FBXO21: variants seen among roughly 807,000 people sequenced by gnomAD.
FBXO21 encodes the protein F-box only protein 21.
A neutral mutation model predicts 76.6 loss-of-function variants in FBXO21; 32 were observed. That is an observed-to-expected ratio of 0.42 (90% confidence interval 0.32 to 0.56). FBXO21 has a LOEUF of 0.56. Among genes scored for constraint, FBXO21 ranks in the 20% least tolerant of loss-of-function variants. The pLI, the probability that FBXO21 is intolerant of heterozygous loss-of-function variation, is 0.16. For missense variants in FBXO21, 586 were observed against 797.3 expected, an observed-to-expected ratio of 0.73 and a Z score of 3.19; for synonymous variants, 328 against 311.5, an observed-to-expected ratio of 1.05 and a Z score of -0.56.
intron 7 of FBXO21, among the ~76,000 whole-genome samples, chr12:117,167,724 C>T (rs1308418280): frequency 1.4e-5 from 2 of 144,120 alleles, no homozygotes; most frequent in South Asian, 2.2e-4. Flanking sequence ...CCAGCCTGGG[C>T]GACAGAAAAA....
intron 3 of FBXO21, among the ~76,000 whole-genome samples, chr12:117,184,187 A>T (rs1002238744): frequency 6.9e-6 from 1 of 144,756 alleles, no homozygotes; most frequent in Non-Finnish European, 1.5e-5. Flanking sequence ...AAAAGAAAAA[A>T]GCAAAACAAC....
At position 117,142,493 on chromosome 12, in the gene FBXO21, T is replaced by A. The variant is rs138285940; in HGVS notation, c.*3594A>T. 1 of 152,260 alleles carries A rather than the reference T, an allele frequency of 6.6e-6. No homozygotes were observed. The highest frequency in any genetic ancestry group is 2.4e-5 in the African/African-American group (1 of 41,532). The allele number at this position is 152,260 out of a possible 1,614,324, so 9.4% of individuals were successfully genotyped here. ...CCTGCAAAGCCTAAAATCTTTACTA[T>A]CTGCGTCTGCTTTATAGGATTGCTG... On this transcript the variant is annotated 3_prime_UTR_variant, in exon 12 of 12. Coordinates refer to ENST00000622495, the MANE Select transcript of FBXO21 (RefSeq NM_015002.3).
chr12:117,165,729 G>C (rs1956046745), intron 8 of FBXO21, 112 bp from the exon 9 acceptor site: 1 of 1,051,566 alleles, frequency 9.5e-7, no homozygotes, highest in East Asian at 2.5e-5. Flanking sequence ...AACGTTTTCT[G>C]ATTCTGGTAT....
At chr12:117,178,434 C>G (rs897629105) in intron 3 of FBXO21, among the ~76,000 whole-genome samples, 1 of 152,124 alleles carries the variant, frequency 6.6e-6, no homozygotes. Flanking sequence ...ATACGGCAGC[C>G]AGAGCACTGC....
chr12:117,183,107 C>T (rs1023693970), intron 3 of FBXO21, among the ~76,000 whole-genome samples: 4 of 152,014 alleles, frequency 2.6e-5, no homozygotes, highest in Non-Finnish European at 5.9e-5. Flanking sequence ...AACAAACAAT[C>T]CTTTTTTAAG....
At chr12:117,161,555 G>A (rs1955976624) in intron 9 of FBXO21, among the ~76,000 whole-genome samples, 2 of 152,172 alleles carry the variant, frequency 1.3e-5, no homozygotes. Context: ...AGAGAGGGAG[G>A]ACAAGCAGGA....
At chr12:117,178,390 G>A (rs1246727244) in intron 3 of FBXO21, among the ~76,000 whole-genome samples, 1 of 152,004 alleles carries the variant, frequency 6.6e-6, no homozygotes, top group African/African-American at 2.4e-5. Context: ...TCAGCTTCCC[G>A]CTTCAGACCT....
At chr12:117,148,364 A>C (rs1451030689) in intron 11 of FBXO21, among the ~76,000 whole-genome samples, 3 of 152,244 alleles carry the variant, frequency 2.0e-5, no homozygotes, top group African/African-American at 7.2e-5. Context: ...CTGGAAGAGC[A>C]GTGTAAACGT....
rs963289945 is a variant in FBXO21, at chr12:117,185,403, C to T, written c.470+1074G>A. 2.0e-5 allele frequency among the ~76,000 whole-genome samples: 3 copies of T among 152,176 alleles called. 1 individual carries two copies. The highest frequency in any genetic ancestry group is 4.1e-4 in the South Asian group (2 of 4,830). On this transcript the variant is annotated intron_variant, in intron 3 of 11. Transcript: ENST00000622495. ...TTCATGCCTTGTTTGTGAGATATTT[C>T]GCAAAGATTCCTTTTAAGGAAGATG...
At chr12:117,173,204 C>T (rs12304378) in intron 6 of FBXO21, among the ~76,000 whole-genome samples, 30,352 of 152,020 alleles carry the variant, frequency 0.2, 3,443 homozygotes, top group East Asian at 0.43. Flanking sequence ...AATTTTTTTG[C>T]ATTTTTAGTA....
At chr12:117,164,591 A>G (rs1956029269) in intron 9 of FBXO21, among the ~76,000 whole-genome samples, 1 of 152,114 alleles carries the variant, frequency 6.6e-6, no homozygotes, top group African/African-American at 2.4e-5. Context: ...CTTTTCTTAA[A>G]ACAGGAGCCT....
At chr12:117,164,098 T>A (rs1172069044) in intron 9 of FBXO21, among the ~76,000 whole-genome samples, 7 of 144,416 alleles carry the variant, frequency 4.8e-5, no homozygotes, top group African/African-American at 7.6e-5. Flanking sequence ...AGTTTCTATT[T>A]AAAAAAAAAA....
chr12:117,179,167 T>G (rs961360979), intron 3 of FBXO21, among the ~76,000 whole-genome samples: 1 of 152,234 alleles, frequency 6.6e-6, no homozygotes, highest in African/African-American at 2.4e-5. Context: ...TTTTAACCTT[T>G]GAGTTGTAAA....
rs1956283907 is a variant in FBXO21, at chr12:117,186,377, A to G, written c.470+100T>C. Reference sequence around the variant, plus strand: ...CTGTAACTATGACAAGGCGTGAAATATTTGGAATCACATATTCCAGGGTTT... The same window carrying G: ...CTGTAACTATGACAAGGCGTGAAATGTTTGGAATCACATATTCCAGGGTTT... On this transcript the variant is annotated intron_variant, in intron 3 of 11. Coordinates refer to ENST00000622495, the MANE Select transcript of FBXO21 (RefSeq NM_015002.3). The G allele has an allele frequency of 1.6e-5, 13 of 816,764 alleles. No individual in the cohort carries two copies. The East Asian group carries it at 2.7e-4, about 17-fold the overall frequency. The allele number at this position is 816,764 out of a possible 1,614,324, so 50.6% of individuals were successfully genotyped here.
At chr12:117,184,488 T>C (rs1188503064) in intron 3 of FBXO21, among the ~76,000 whole-genome samples, 1 of 152,166 alleles carries the variant, frequency 6.6e-6, no homozygotes, top group Non-Finnish European at 1.5e-5. Context: ...GCACGGTGGC[T>C]CACGCCCATA....
intron 3 of FBXO21, among the ~76,000 whole-genome samples, chr12:117,180,120 T>C (rs776840022): frequency 6.6e-6 from 1 of 151,502 alleles, no homozygotes; most frequent in African/African-American, 2.4e-5. Flanking sequence ...GTCAGTTTTC[T>C]TACTATCTGG....
chr12:117,170,863 T>C (rs1956110619), intron 7 of FBXO21, among the ~76,000 whole-genome samples: 1 of 152,136 alleles, frequency 6.6e-6, no homozygotes, highest in Non-Finnish European at 1.5e-5. Flanking sequence ...ATTTTGGAGA[T>C]ACTTGGGGAG....
intron 11 of FBXO21, among the ~76,000 whole-genome samples, chr12:117,147,060 T>C (rs568344732): frequency 3.1e-4 from 47 of 151,350 alleles, no homozygotes; most frequent in Non-Finnish European, 6.0e-4. Context: ...CTGACTAACA[T>C]GGTGAAACCC....
chr12:117,149,716 C>T (rs527784105), intron 11 of FBXO21, among the ~76,000 whole-genome samples: 2 of 152,356 alleles, frequency 1.3e-5, no homozygotes, highest in African/African-American at 4.8e-5. Context: ...AGACCCAGCC[C>T]TGTGTTTCAG....
Sources: gnomAD v4.1 joint callset for allele counts (sites outside exome capture counted in the v4.1 genomes callset) on GRCh38, gnomAD v4.1.1 for gene constraint, MANE v1.5 for transcripts, NCBI Gene and HGNC (gene_info 2026-07-23, HGNC 2026-07-21) for gene names.